ZNF236: variants seen among roughly 807,000 people sequenced by gnomAD.
ZNF236 encodes zinc finger protein 236.
In ZNF236, 50 loss-of-function variants were observed where a neutral mutation model predicts 191.2. That is an observed-to-expected ratio of 0.26 (90% CI 0.21 to 0.33). The LOEUF is 0.33. Among genes scored for constraint, ZNF236 ranks in the 10% least tolerant of loss-of-function variants. The probability of loss-of-function intolerance (pLI) is 1.00; values close to 1 mark genes in which losing one functional copy is unlikely to be tolerated. For missense variants in ZNF236, 1,754 were observed against 2,374.5 expected (o/e 0.74, Z 5.43); for synonymous variants, 907 against 928.8 (o/e 0.98, Z 0.43).
intron 2 of ZNF236, 116 bp downstream of exon 2, chr18:76,849,784 A>G (rs1006880128): frequency 3.1e-6 from 3 of 955,248 alleles, no homozygotes; most frequent in Non-Finnish European, 2.8e-6. Flanking sequence ...AGAACATTTT[A>G]TATTCTACAA....
At chr18:76,848,074 T>C (rs1189268948) in intron 1 of ZNF236, among the ~76,000 whole-genome samples, 2 of 152,194 alleles carry the variant, frequency 1.3e-5, no homozygotes, top group African/African-American at 4.8e-5. Context: ...CCATGTGGGC[T>C]TCACCTACCT....
intron 1 of ZNF236, among the ~76,000 whole-genome samples, chr18:76,829,398 G>A (rs1033433669): frequency 3.3e-5 from 5 of 151,308 alleles, no homozygotes; most frequent in African/African-American, 1.2e-4. Context: ...TATGATCTCG[G>A]CTCACTGTAA....
intron 7 of ZNF236, among the ~76,000 whole-genome samples, chr18:76,878,961 T>A (rs1976793104): frequency 6.6e-6 from 1 of 152,204 alleles, no homozygotes; most frequent in Non-Finnish European, 1.5e-5. Context: ...ATATTTGCAG[T>A]GTGGGATGGT....
rs1249429439 is a variant in ZNF236, at chr18:76,971,946, G to T, written c.*3607G>T. On this transcript the variant is annotated 3_prime_UTR_variant, in exon 31 of 31. Transcript: ENST00000320610. ...CCGTGCCCTTCCCTGACTAAAAAAA[G>T]TTAATCCAAGGATTGATCGTTGCGA... Among the ~76,000 whole-genome samples the T allele has an allele frequency of 6.6e-6, 1 of 152,176 alleles. No homozygotes were observed. The highest frequency in any genetic ancestry group is 2.4e-5 in the African/African-American group (1 of 41,448).
intron 30 of ZNF236, 65 bp from the exon 31 acceptor site, chr18:76,968,150 A>G (rs1267382086): frequency 1.9e-6 from 3 of 1,585,052 alleles, no homozygotes; most frequent in Admixed American, 1.7e-5. Flanking sequence ...TCTTTATTTA[A>G]ATAGGAATCA....
intron 14 of ZNF236, among the ~76,000 whole-genome samples, chr18:76,909,160 C>G (rs971925336): frequency 1.9e-4 from 29 of 151,596 alleles, no homozygotes; most frequent in African/African-American, 6.8e-4. Flanking sequence ...ACTAAAAATA[C>G]GAAACTTAGC....
chr18:76,967,620 G>A (rs1788703), intron 30 of ZNF236, among the ~76,000 whole-genome samples: 9 of 12,310 alleles, frequency 7.3e-4, no homozygotes, highest in Admixed American at 1.8e-3. Flanking sequence ...GATCTGTGAG[G>A]TTTGTGATTT....
intron 19 of ZNF236, among the ~76,000 whole-genome samples, chr18:76,918,433 G>T (rs1459755343): frequency 6.6e-6 from 1 of 152,100 alleles, no homozygotes; most frequent in Non-Finnish European, 1.5e-5. Context: ...ATAGTTTGGG[G>T]TTCTTTTGAG....
Position 76,960,386 on chromosome 18 carries a change from GT to G in ZNF236, c.5243-291del, listed in dbSNP as rs1968635728. On this transcript the variant is annotated intron_variant, in intron 29 of 30. Coordinates refer to ENST00000320610, the MANE Select transcript of ZNF236 (RefSeq NM_001306089.2). The surrounding 1 kb of genome is among the most constrained non-coding windows in gnomAD (Gnocchi z 4.4). ...AGGACATCATCCCGGGCTCATTTCT[GT>G]TGTGATCATCTGACGACTCACTGTG... Among the ~76,000 whole-genome samples, 1 of 152,128 alleles carries G rather than the reference GT, an allele frequency of 6.6e-6. No homozygotes were observed. Among genetic ancestry groups the G allele is most frequent in the African/African-American group, 2.4e-5 (1 of 41,426 alleles).
rs894271895 is a variant in ZNF236 at position 76,943,905 on chromosome 18, G to A, written c.4783-3616G>A. Among the ~76,000 whole-genome samples the A allele has an allele frequency of 4.2e-4, 64 of 152,306 alleles. 1 individual carries two copies. The highest frequency in any genetic ancestry group is 1.5e-3 in the African/African-American group (63 of 41,558). On this transcript the variant is annotated intron_variant, in intron 26 of 30. Coordinates refer to ENST00000320610, the MANE Select transcript of ZNF236 (RefSeq NM_001306089.2). Reference sequence around the variant, plus strand: ...TTTATTAAGAGTTGTGTATAGGCCGGTAAAATTATGAACTGCTAAGAAAAA... The same window carrying A: ...TTTATTAAGAGTTGTGTATAGGCCGATAAAATTATGAACTGCTAAGAAAAA...
intron 10 of ZNF236, among the ~76,000 whole-genome samples, chr18:76,896,762 G>C (rs889584262): frequency 6.6e-6 from 1 of 151,302 alleles, no homozygotes; most frequent in Non-Finnish European, 1.5e-5. Context: ...ACCAAACACA[G>C]TACAGCACAC....
At chr18:76,878,323 A>G (rs1228192599) in intron 7 of ZNF236, among the ~76,000 whole-genome samples, 171 bp downstream of exon 7, 1 of 152,232 alleles carries the variant, frequency 6.6e-6, no homozygotes, top group Non-Finnish European at 1.5e-5. Context: ...TTTGAGAATA[A>G]TAATTAGATG....
rs760439890 is a variant in ZNF236 at position 76,910,106 on chromosome 18, G to A, written c.2590G>A (p.Val864Ile). Reference protein sequence around the residue: ...VAPQDPLRGHVDQFEEQSPAQ... With the variant: ...VAPQDPLRGHIDQFEEQSPAQ... ...TCCACAGGACCCTCTGCGAGGGCAC[G>A]TAGACCAGTTTGAAGAGCAGAGCCC... The change falls in exon 15 of 31, where the codon GTA becomes ATA. Residue 864 changes from valine to isoleucine, a missense_variant. This residue lies in a region of ZNF236 where 641 missense variants were observed against 869.6 expected (regional missense o/e 0.74). Transcript: ENST00000320610. The A allele has an allele frequency of 1.4e-5, 22 of 1,613,488 alleles. No homozygotes were observed. The highest frequency in any genetic ancestry group is 2.7e-5 in the African/African-American group (2 of 74,904).
At chr18:76,861,484 T>C (rs1976222487) in intron 3 of ZNF236, among the ~76,000 whole-genome samples, 1 of 152,220 alleles carries the variant, frequency 6.6e-6, no homozygotes, top group Non-Finnish European at 1.5e-5. Context: ...GTTGATTAGC[T>C]GTATGCTCAG....
At chr18:76,836,032 C>G (rs1054345294) in intron 1 of ZNF236, among the ~76,000 whole-genome samples, 1 of 152,068 alleles carries the variant, frequency 6.6e-6, no homozygotes, top group Non-Finnish European at 1.5e-5. Flanking sequence ...CTCAGCCTCC[C>G]AAGTAGCTGG....
rs73968231 is a variant in ZNF236 at position 76,901,856 on chromosome 18, G to A, written c.1895-2524G>A. Among the ~76,000 whole-genome samples, 79 of 152,266 alleles carry A rather than the reference G, an allele frequency of 5.2e-4. 1 individual carries two copies. The highest frequency in any genetic ancestry group is 1.8e-3 in the African/African-American group (76 of 41,536). ...TTTAACTGTTTTTGAGCATAGAATG[G>A]GATCAAAACCCCCATGGTAGCGTAG... On this transcript the variant is annotated intron_variant, in intron 11 of 30. Coordinates refer to ENST00000320610, the MANE Select transcript of ZNF236 (RefSeq NM_001306089.2).
In ZNF236 at chr18:76,971,493, C is replaced by T. The variant is rs563159285; in HGVS notation, c.*3154C>T. Among the ~76,000 whole-genome samples the T allele has an allele frequency of 6.3e-4, 96 of 152,302 alleles. No individual in the cohort carries two copies. The highest frequency in any genetic ancestry group is 1.0e-3 in the South Asian group (5 of 4,824). ...GCACTTAACTAGGGGATGTTTCCTT[C>T]GTGCATATTTTCTACTCCCCTGTTG... is the stretch of plus-strand genomic sequence containing the variant. On this transcript the variant is annotated 3_prime_UTR_variant, in exon 31 of 31. Transcript: ENST00000320610.
intron 3 of ZNF236, 28 bp downstream of exon 3, chr18:76,851,967 T>C (rs188775274): frequency 1.3e-6 from 2 of 1,573,440 alleles, no homozygotes; most frequent in Non-Finnish European, 1.7e-6. Context: ...GCATATACTT[T>C]GTTAACTGAT....
Position 76,913,864 on chromosome 18 carries a change from T to C in ZNF236, c.3027T>C (p.Ser1009=). The change falls in exon 18 of 31, where the codon TCT becomes TCC. Residue 1009 remains serine (S), a synonymous_variant. Transcript: ENST00000320610. The part of the protein sequence containing the change: ...CKLCGRGFVS[S]GVLKSHEKTH... ...TCTGTGGACGCGGCTTTGTTTCCTC[T>C]GGGGTCCTCAAGTCCCACGAGAAGA... is the stretch of plus-strand genomic sequence containing the variant. The C allele has an allele frequency of 1.2e-6, 2 of 1,614,240 alleles. No individual in the cohort carries two copies. The highest frequency in any genetic ancestry group is 1.7e-6 in the Non-Finnish European group (2 of 1,180,034).
Sources: gnomAD v4.1 joint callset for allele counts (sites outside exome capture counted in the v4.1 genomes callset) on GRCh38, gnomAD v4.1.1 for gene constraint, gnomAD v4.1.1 regional missense constraint, Gnocchi (gnomAD v3.1) non-coding constraint, MANE v1.5 for transcripts, NCBI Gene and HGNC (gene_info 2026-07-23, HGNC 2026-07-21) for gene names.